The following GREB1L variants were observed in gnomAD, a reference collection of about 807,000 sequenced individuals.
GREB1L encodes GREB1-like protein.
A neutral mutation model predicts 200.8 loss-of-function variants in GREB1L; 17 were observed. The observed-to-expected ratio is 0.08, with a 90% CI of 0.06 to 0.13. The LOEUF (loss-of-function observed/expected upper bound fraction) is 0.13. GREB1L is among the 10% of genes least tolerant of loss of function. The probability of loss-of-function intolerance (pLI) is 1.00; values close to 1 mark genes in which losing one functional copy is unlikely to be tolerated. For synonymous variants in GREB1L, 789 were observed against 893.0 expected, an observed-to-expected ratio of 0.88 and a Z score of 2.08; for missense variants, 1,657 against 2,367.7, an observed-to-expected ratio of 0.70 and a Z score of 6.23.
Position 21,525,012 on chromosome 18 carries a change from G to GTGTATATATATATATATATATATATA in GREB1L, c.*2192_*2193insGTATATATATATATATATATATATAT, listed in dbSNP as rs55641891. On this transcript the variant is annotated 3_prime_UTR_variant, in exon 33 of 33. Transcript: ENST00000424526. The stretch of plus-strand genomic sequence containing the variant: ...AAGCACAGGACACCATGATTTGTGT[G>GTGTATATATATATATATATATATATA]TATATATATATATATCCTAGTGTGT... The GTGTATATATATATATATATATATATA allele has an allele frequency of 1.7e-4, 24 of 145,172 alleles. No individual in the cohort carries two copies. The highest frequency in any genetic ancestry group is 2.9e-4 in the Non-Finnish European group (19 of 66,142). 9.0% of individuals were successfully genotyped at this position (145,172 alleles called of 1,614,324 possible). A position where few individuals can be genotyped will look rare whatever the true frequency, so the allele number is the denominator to read the frequency against.
At chr18:21,394,833 C>T (rs1687325595) in intron 4 of GREB1L, among the ~76,000 whole-genome samples, 2 of 151,466 alleles carry the variant, frequency 1.3e-5, no homozygotes, top group Admixed American at 6.6e-5. Context: ...ACCAGACTCA[C>T]GCCTGTAATC....
intron 7 of GREB1L, 118 bp downstream of exon 7, chr18:21,404,112 C>T: frequency 1.1e-6 from 1 of 893,154 alleles, no homozygotes; most frequent in Admixed American, 2.6e-5. Flanking sequence ...AAAGGTATTA[C>T]TTGAGTTACT....
At chr18:21,508,630 G>C (rs1345452091) in intron 27 of GREB1L, 39 bp downstream of exon 27, 4 of 1,458,310 alleles carry the variant, frequency 2.7e-6, no homozygotes. Context: ...GGGCTTCGAA[G>C]ATAAACTGAG....
rs143334431 is a variant in GREB1L at position 21,377,995 on chromosome 18, G to A, written c.-9-5515G>A. Among the ~76,000 whole-genome samples, 460 of 152,290 alleles carry A rather than the reference G, an allele frequency of 3.0e-3. 6 individuals carry two copies. The highest frequency in any genetic ancestry group is 0.011 in the African/African-American group (448 of 41,564). ...ATCCTACCTCAGCCCCCAAAGTGAT[G>A]AGATTACAGGTACAAGCCACCATGC... On this transcript the variant is annotated intron_variant, in intron 2 of 32. Transcript: ENST00000424526.
intron 21 of GREB1L, 40 bp from the exon 22 acceptor site, chr18:21,499,689 C>T: frequency 7.0e-7 from 1 of 1,428,336 alleles, no homozygotes; most frequent in African/African-American, 1.4e-5. Context: ...AGATCAGTAA[C>T]AGAGCTGCTG....
intron 4 of GREB1L, among the ~76,000 whole-genome samples, chr18:21,392,385 A>C (rs2040861033): frequency 6.6e-6 from 1 of 152,140 alleles, no homozygotes; most frequent in African/African-American, 2.4e-5. Context: ...ATGTATCCAT[A>C]GGCTCCAAAA....
At chr18:21,468,093 G>A (rs1467528719) in intron 15 of GREB1L, among the ~76,000 whole-genome samples, 4 of 150,640 alleles carry the variant, frequency 2.7e-5, no homozygotes, top group African/African-American at 9.8e-5. Context: ...AAACACAAAT[G>A]TTCATAGCAA....
chr18:21,397,346 TA>T (rs1228345956), intron 5 of GREB1L, among the ~76,000 whole-genome samples: 2 of 151,352 alleles, frequency 1.3e-5, no homozygotes, highest in African/African-American at 4.9e-5. Flanking sequence ...ACCCCGTCTC[TA>T]CTAAAAAAAA....
chr18:21,388,876 T>C (rs370475154), intron 4 of GREB1L, among the ~76,000 whole-genome samples: 53 of 152,182 alleles, frequency 3.5e-4, no homozygotes, highest in African/African-American at 1.3e-3. Context: ...CCTTATTAGA[T>C]TGAGGTTATG....
chr18:21,458,741 A>T (rs1396306793), intron 15 of GREB1L, among the ~76,000 whole-genome samples: 1 of 152,238 alleles, frequency 6.6e-6, no homozygotes, highest in Non-Finnish European at 1.5e-5. Flanking sequence ...GAGCGGGTTT[A>T]ACATCTTTTA....
At chr18:21,442,607 A>T (rs986424363) in intron 10 of GREB1L, among the ~76,000 whole-genome samples, 4 of 152,194 alleles carry the variant, frequency 2.6e-5, no homozygotes, top group Non-Finnish European at 5.9e-5. Context: ...AACCACCAAA[A>T]CAGAGCATAT....
chr18:21,311,688 G>T (rs766723217), intron 1 of GREB1L, among the ~76,000 whole-genome samples: 5 of 152,086 alleles, frequency 3.3e-5, no homozygotes, highest in African/African-American at 4.8e-5. Context: ...TTGGGTTGGT[G>T]CAATCGAATA....
At chr18:21,414,473 A>C (rs541517118) in intron 7 of GREB1L, among the ~76,000 whole-genome samples, 7 of 152,202 alleles carry the variant, frequency 4.6e-5, no homozygotes, top group Non-Finnish European at 8.8e-5. Context: ...GTTAGTAGAA[A>C]ATGTCTGCTT....
In GREB1L at chr18:21,505,849, G is replaced by A. The variant is rs1027409544; in HGVS notation, c.4268G>A (p.Arg1423Gln). 2.2e-5 allele frequency: 34 copies of A among 1,551,698 alleles called. No individual in the cohort carries two copies. Among genetic ancestry groups the A allele is most frequent in the Non-Finnish European group, 2.8e-5 (32 of 1,146,922 alleles). ...TCCAAAGTTGAAGAGCCCAGGAAAC[G>A]GGAAACTGTATCCATAATGCTGACC... ...KESKVEEPRK[R>Q]ETVSIMLTKY... Residue 1423 changes from arginine (R) to glutamine (Q), a missense_variant, in exon 25 of 33, where the codon CGG (arginine) becomes CAG (glutamine). Around this residue, in one of 9 missense-constraint regions of GREB1L, gnomAD observed 512 missense variants for 668.3 expected, o/e 0.77. Coordinates refer to ENST00000424526, the MANE Select transcript of GREB1L (RefSeq NM_001142966.3).
chr18:21,282,970 A>G (rs1343361993), intron 1 of GREB1L, among the ~76,000 whole-genome samples: 1 of 152,054 alleles, frequency 6.6e-6, no homozygotes, highest in Non-Finnish European at 1.5e-5. Context: ...TTAATTACCT[A>G]TTTTTCTATG....
intron 7 of GREB1L, among the ~76,000 whole-genome samples, chr18:21,427,518 A>G (rs1276736607): frequency 3.9e-5 from 6 of 152,160 alleles, no homozygotes; most frequent in African/African-American, 1.2e-4. Flanking sequence ...AAAACAAAAA[A>G]CAAAAAAACC....
intron 7 of GREB1L, among the ~76,000 whole-genome samples, chr18:21,425,315 G>A (rs1249197732): frequency 1.3e-5 from 2 of 152,152 alleles, no homozygotes; most frequent in Non-Finnish European, 2.9e-5. Context: ...GGGCATTTGG[G>A]TTATTTCCAT....
At chr18:21,259,553 C>T (rs936333647) in intron 1 of GREB1L, among the ~76,000 whole-genome samples, 14 of 152,018 alleles carry the variant, frequency 9.2e-5, no homozygotes, top group African/African-American at 3.1e-4. Context: ...TTATTCAAAC[C>T]ATGTTCCTCA....
At chr18:21,324,534 G>A (rs1415941613) in intron 1 of GREB1L, among the ~76,000 whole-genome samples, 3 of 152,204 alleles carry the variant, frequency 2.0e-5, no homozygotes, top group South Asian at 2.1e-4. Flanking sequence ...GCTTCTGGCC[G>A]GGTGTGGTGG....
Sources: gnomAD v4.1 joint callset for allele counts (sites outside exome capture counted in the v4.1 genomes callset) on GRCh38, gnomAD v4.1.1 for gene constraint, gnomAD v4.1.1 regional missense constraint, MANE v1.5 for transcripts, NCBI Gene and HGNC (gene_info 2026-07-23, HGNC 2026-07-21) for gene names.